Variants in SYT1 observed in about 807,000 individuals in gnomAD.
SYT1 encodes the protein synaptotagmin-1.
Under a neutral mutation model 44.8 loss-of-function variants are expected in SYT1, and 8 were observed. The ratio of observed to expected loss-of-function variants is 0.18; its 90% confidence interval spans 0.10 to 0.32. SYT1 has a LOEUF of 0.32. SYT1 is among the 10% of genes least tolerant of loss of function. SYT1 has a pLI of 1.00. For missense variants in SYT1, 286 were observed against 509.3 expected, an observed-to-expected ratio of 0.56 and a Z score of 4.22; for synonymous variants, 154 against 188.8, an observed-to-expected ratio of 0.82 and a Z score of 1.51.
chr12:79,184,927 CCT>C (rs1700985373), intron 3 of SYT1, among the ~76,000 whole-genome samples: 1 of 152,044 alleles, frequency 6.6e-6, no homozygotes, highest in Admixed American at 6.6e-5. Context: ...TTAAGCATCT[CCT>C]CTGAAAATTC....
At chr12:79,094,019 T>C (rs1877953432) in intron 3 of SYT1, among the ~76,000 whole-genome samples, 1 of 151,648 alleles carries the variant, frequency 6.6e-6, no homozygotes. Flanking sequence ...AAACCAAATA[T>C]ATTTAGTTCT....
At chr12:79,144,958 A>G (rs923572035) in intron 3 of SYT1, among the ~76,000 whole-genome samples, 3 of 152,194 alleles carry the variant, frequency 2.0e-5, no homozygotes, top group Non-Finnish European at 1.5e-5. Context: ...CTTGCCCTGG[A>G]CAATTTGTTT....
At chr12:79,178,311 G>A (rs1191589958) in intron 3 of SYT1, among the ~76,000 whole-genome samples, 2 of 151,816 alleles carry the variant, frequency 1.3e-5, no homozygotes, top group African/African-American at 4.8e-5. Flanking sequence ...CAGCCACATA[G>A]ATTCCTTTTT....
At chr12:79,309,951 TC>T (rs1244804747) in intron 8 of SYT1, among the ~76,000 whole-genome samples, 2 of 151,994 alleles carry the variant, frequency 1.3e-5, no homozygotes, top group African/African-American at 4.8e-5. Flanking sequence ...GAAAATTTTC[TC>T]CCATTTTGTA....
intron 3 of SYT1, among the ~76,000 whole-genome samples, chr12:79,126,349 C>T (rs954056783): frequency 4.6e-5 from 7 of 152,198 alleles, no homozygotes; most frequent in African/African-American, 1.7e-4. Context: ...CAACCTCTGC[C>T]TCCCGGGTTC....
chr12:79,338,872 A>G (rs1343511147), intron 8 of SYT1, among the ~76,000 whole-genome samples: 1 of 151,862 alleles, frequency 6.6e-6, no homozygotes, highest in African/African-American at 2.4e-5. Flanking sequence ...CCTGTGTCCA[A>G]GTGTTCTCAT....
At chr12:78,909,327 T>C (rs1876174528) in intron 1 of SYT1, among the ~76,000 whole-genome samples, 1 of 151,956 alleles carries the variant, frequency 6.6e-6, no homozygotes, top group Admixed American at 6.6e-5. Flanking sequence ...CTTTGCTTCG[T>C]CTGTTTCCTT....
intron 2 of SYT1, chr12:79,045,754 C>A (rs937576044): frequency 6.6e-6 from 1 of 152,192 alleles, no homozygotes; most frequent in Non-Finnish European, 1.5e-5. Flanking sequence ...AAATCAAATC[C>A]CCACAGATGG....
intron 9 of SYT1, among the ~76,000 whole-genome samples, chr12:79,418,939 G>A (rs61927384): frequency 0.012 from 1,783 of 152,188 alleles, 12 homozygotes; most frequent in South Asian, 0.019. Flanking sequence ...AGAATTTCTG[G>A]GGGAATGGCC....
At chr12:79,066,073 CACATGCACACACAAAAAG>C (rs896072027) in intron 3 of SYT1, among the ~76,000 whole-genome samples, 2 of 152,100 alleles carry the variant, frequency 1.3e-5, no homozygotes, top group African/African-American at 2.4e-5. Flanking sequence ...AACACAAATA[CACATGCACACACAAAAAG>C]ACATGCACAC....
At chr12:79,143,773 C>G (rs1869711031) in intron 3 of SYT1, among the ~76,000 whole-genome samples, 1 of 152,094 alleles carries the variant, frequency 6.6e-6, no homozygotes, top group African/African-American at 2.4e-5. Context: ...TACTTCCCCC[C>G]TTAAAAGAAT....
At chr12:79,029,905 TTA>T (rs973530797) in intron 2 of SYT1, among the ~76,000 whole-genome samples, 10 of 151,100 alleles carry the variant, frequency 6.6e-5, no homozygotes, top group African/African-American at 2.4e-4. Context: ...TGCTTAGTTT[TTA>T]TGTCAGACTT....
chr12:79,368,279 T>G (rs1883636013), intron 9 of SYT1, among the ~76,000 whole-genome samples: 1 of 152,220 alleles, frequency 6.6e-6, no homozygotes, highest in Non-Finnish European at 1.5e-5. Flanking sequence ...TGCCACATTT[T>G]CTTAATCCAG....
chr12:79,212,974 C>T (rs145746713), intron 3 of SYT1, among the ~76,000 whole-genome samples: 38 of 152,248 alleles, frequency 2.5e-4, no homozygotes, highest in African/African-American at 8.7e-4. Flanking sequence ...AGTATTTTGG[C>T]ACAAAGTAGG....
intron 3 of SYT1, among the ~76,000 whole-genome samples, chr12:79,207,785 C>T (rs529115775): frequency 1.2e-4 from 18 of 152,154 alleles, no homozygotes; most frequent in African/African-American, 3.9e-4. Flanking sequence ...TTAATATAAC[C>T]AGTCTCCTTC....
intron 4 of SYT1, among the ~76,000 whole-genome samples, chr12:79,241,050 T>G (rs1302974550): frequency 6.6e-6 from 1 of 151,988 alleles, no homozygotes; most frequent in Non-Finnish European, 1.5e-5. Context: ...GCACATGCCT[T>G]TAGTCCCAGC....
intron 9 of SYT1, among the ~76,000 whole-genome samples, chr12:79,359,169 C>A (rs1303810961): frequency 6.6e-6 from 1 of 152,126 alleles, no homozygotes; most frequent in Non-Finnish European, 1.5e-5. Flanking sequence ...GGTTTGCATT[C>A]ACCTAAATTG....
intron 3 of SYT1, among the ~76,000 whole-genome samples, chr12:79,097,157 A>C (rs1189731758): frequency 1.3e-5 from 2 of 151,958 alleles, no homozygotes; most frequent in Non-Finnish European, 2.9e-5. Context: ...GGAAGGCTGA[A>C]GCCACAGATG....
chr12:79,291,883 A>G (rs1879603376), intron 5 of SYT1, 125 bp from the exon 6 acceptor site: 2 of 1,168,068 alleles, frequency 1.7e-6, no homozygotes, highest in African/African-American at 1.5e-5. Flanking sequence ...TGTGTGTCAG[A>G]CAAACAGATT....
Sources: allele counts gnomAD v4.1 joint callset (sites outside exome capture counted in the v4.1 genomes callset), GRCh38; gene constraint gnomAD v4.1.1; transcripts MANE v1.5; gene names NCBI Gene and HGNC (gene_info 2026-07-23, HGNC 2026-07-21).